The following URB2 variants were observed in gnomAD, a reference collection of about 807,000 sequenced individuals.
The protein encoded by URB2 is unhealthy ribosome biogenesis protein 2 homolog.
Under a neutral mutation model 120.9 loss-of-function variants are expected in URB2, and 86 were observed. The observed-to-expected ratio is 0.71, with a 90% confidence interval of 0.60 to 0.85. The LOEUF is 0.85. Among genes scored for constraint, URB2 ranks in the 40% least tolerant of loss-of-function variants. The pLI is 0.00. For synonymous variants in URB2, 755 were observed against 758.4 expected (o/e 1.00, Z 0.07); for missense variants, 1,765 against 1,836.5 (o/e 0.96, Z 0.71).
intron 8 of URB2, among the ~76,000 whole-genome samples, chr1:229,651,924 G>A (rs1322756968): frequency 6.6e-6 from 1 of 152,164 alleles, no homozygotes; most frequent in Non-Finnish European, 1.5e-5. Context: ...GCTCATGGCT[G>A]TAATCCCAGC....
intron 2 of URB2, among the ~76,000 whole-genome samples, chr1:229,631,006 G>C (rs979280706): frequency 1.0e-5 from 1 of 95,838 alleles, no homozygotes; most frequent in Non-Finnish European, 2.3e-5. Flanking sequence ...AAAAAAAAAA[G>C]AAAGTCCTGA....
Position 229,659,242 on chromosome 1 carries a change from A to T in URB2, c.4520A>T (p.Asp1507Val). 6.2e-7 allele frequency: 1 copy of T among 1,614,026 alleles called. No homozygotes were observed. The highest frequency in any genetic ancestry group is 2.2e-5 in the East Asian group (1 of 44,888). ...GACATCTTTAAGGAGCTCTATAATG[A>T]CTATCTCAAGTACCACAAGGCCAAA... ...MRDIFKELYNDYLKYHKAKHE... is the reference protein window; with the variant it reads ...MRDIFKELYNVYLKYHKAKHE... Residue 1507 changes from aspartate to valine, a missense_variant, in exon 10 of 10, where the codon GAC becomes GTC. Physicochemically the swap from Asp to Val is radical, Grantham distance 152. Transcript: ENST00000258243.
chr1:229,631,900 T>C (rs1232965922), intron 2 of URB2, among the ~76,000 whole-genome samples: 1 of 152,230 alleles, frequency 6.6e-6, no homozygotes, highest in Non-Finnish European at 1.5e-5. Flanking sequence ...ATAGACTTGC[T>C]TGGCACAGGG....
At chr1:229,648,496 T>C (rs1666203106) in intron 7 of URB2, among the ~76,000 whole-genome samples, 1 of 152,246 alleles carries the variant, frequency 6.6e-6, no homozygotes, top group Non-Finnish European at 1.5e-5. Context: ...TATAGTATGC[T>C]CCTTTTTAAG....
At chr1:229,632,161 G>A (rs1454898956) in intron 2 of URB2, 108 bp from the exon 3 acceptor site, 10 of 455,828 alleles carry the variant, frequency 2.2e-5, no homozygotes, top group African/African-American at 6.4e-5. Context: ...CTCCCCCGCC[G>A]CCCCCGTGGC....
At position 229,647,578 on chromosome 1, in the gene URB2, C is replaced by T; in HGVS notation, c.3975C>T (p.Val1325=). The T allele has an allele frequency of 1.2e-6, 2 of 1,614,230 alleles. No homozygotes were observed. The highest frequency in any genetic ancestry group is 8.5e-7 in the Non-Finnish European group (1 of 1,180,048). ...SLTVVGPVLD[V]LAALLRQGEE... is the part of the protein sequence containing the mutation. ...CAGTGGTCGGGCCTGTCTTAGATGT[C>T]CTGGCTGCACTGCTGCGGCAGGGGG... The change falls in exon 7 of 10, where the codon GTC becomes GTT. Residue 1325 remains valine (V), a synonymous_variant. Coordinates refer to ENST00000258243, the MANE Select transcript of URB2 (RefSeq NM_014777.4).
intron 9 of URB2, among the ~76,000 whole-genome samples, chr1:229,655,165 G>GA (rs551964112): frequency 5.5e-4 from 83 of 152,272 alleles, no homozygotes; most frequent in Non-Finnish European, 1.1e-3. Flanking sequence ...GACAGATTAA[G>GA]AAAAAACATG....
At chr1:229,656,139 T>C (rs778860288) in intron 9 of URB2, among the ~76,000 whole-genome samples, 3 of 152,330 alleles carry the variant, frequency 2.0e-5, no homozygotes, top group Non-Finnish European at 2.9e-5. Flanking sequence ...TTTGGTTTCA[T>C]TGCAGTTATT....
rs748662594 is a variant in URB2, at chr1:229,637,723, C to T, written c.3110C>T (p.Thr1037Met). ...TTCCTCTCTAGTTCCAAACCATACA[C>T]GGAGGCAGCTTCAAGCAAACAATTA... The part of the protein sequence containing the change: ...TAFLSSSKPY[T>M]EAASSKQLEN... Residue 1037 changes from threonine (T) to methionine (M), a missense_variant, in exon 4 of 10, where the codon ACG (threonine) becomes ATG (methionine). Thr to Met is a moderately conservative substitution (Grantham distance 81, BLOSUM62 -1). Transcript: ENST00000258243. The T allele has an allele frequency of 1.7e-5, 27 of 1,614,076 alleles. No individual in the cohort carries two copies. Among genetic ancestry groups the T allele is most frequent in the East Asian group, 4.5e-5 (2 of 44,892 alleles).
At chr1:229,630,927 A>C (rs1369362033) in intron 2 of URB2, among the ~76,000 whole-genome samples, 1 of 141,364 alleles carries the variant, frequency 7.1e-6, no homozygotes, top group Non-Finnish European at 1.5e-5. Context: ...GGTTGCAGTG[A>C]GCCGAGATCG....
At chr1:229,643,199 A>T (rs972108471) in intron 4 of URB2, among the ~76,000 whole-genome samples, 7 of 152,228 alleles carry the variant, frequency 4.6e-5, no homozygotes, top group African/African-American at 1.7e-4. Flanking sequence ...AAACCCATGT[A>T]TAAGTGGATC....
chr1:229,628,251 C>T lies in URB2; in HGVS notation c.126+492C>T, dbSNP rs1317017879. Among the ~76,000 whole-genome samples the T allele has an allele frequency of 3.5e-5, 5 of 143,226 alleles. No homozygotes were observed. In the Admixed American group the frequency reaches 3.6e-4, roughly 10 times the overall value. 94.0% of individuals were successfully genotyped at this position (143,226 alleles called of 152,430 possible). ...TATATGTATATATATTATACATATA[C>T]ATATTATATATGTATATAAATTAGT... On this transcript the variant is annotated intron_variant, in intron 2 of 9. Transcript: ENST00000258243.
intron 7 of URB2, 120 bp from the exon 8 acceptor site, chr1:229,651,115 C>T (rs1322184037): frequency 1.1e-6 from 1 of 886,180 alleles, no homozygotes; most frequent in Non-Finnish European, 1.6e-6. Context: ...TGGGCACACA[C>T]AACTGGTTTG....
At chr1:229,630,982 C>CAAAAAAAAAAAAA in intron 2 of URB2, among the ~76,000 whole-genome samples, 1 of 65,108 alleles carries the variant, frequency 1.5e-5, no homozygotes, top group Non-Finnish European at 2.8e-5. Flanking sequence ...AACTCCGTCT[C>CAAAAAAAAAAAAA]AAAAAAAAAA....
chr1:229,651,744 G>C, intron 8 of URB2, among the ~76,000 whole-genome samples: 1 of 152,194 alleles, frequency 6.6e-6, no homozygotes, highest in East Asian at 1.9e-4. Context: ...CACTGTTCCA[G>C]CCTCACCTTG....
intron 5 of URB2, among the ~76,000 whole-genome samples, chr1:229,644,123 G>T (rs997608908): frequency 3.9e-5 from 6 of 152,238 alleles, no homozygotes; most frequent in African/African-American, 1.4e-4. Flanking sequence ...GACAGAAGTC[G>T]CTAATACAGC....
intron 3 of URB2, 150 bp downstream of exon 3, chr1:229,632,595 T>C: frequency 3.2e-6 from 2 of 630,908 alleles, no homozygotes; most frequent in Non-Finnish European, 4.8e-6. Context: ...ATTAAAATAG[T>C]AACTATTGAA....
chr1:229,649,261 T>C (rs919380838), intron 7 of URB2, among the ~76,000 whole-genome samples: 1 of 152,336 alleles, frequency 6.6e-6, no homozygotes, highest in South Asian at 2.1e-4. Flanking sequence ...ACTCATGACA[T>C]TGGTTCTAAC....
intron 4 of URB2, 49 bp from the exon 5 acceptor site, chr1:229,643,483 GT>G (rs779903294): frequency 9.3e-6 from 15 of 1,608,906 alleles, no homozygotes; most frequent in Admixed American, 3.3e-5. Context: ...CTACTTGGTA[GT>G]TTATTTCACC....
Sources: allele counts gnomAD v4.1 joint callset (sites outside exome capture counted in the v4.1 genomes callset), GRCh38; gene constraint gnomAD v4.1.1; transcripts MANE v1.5; gene names NCBI Gene and HGNC (gene_info 2026-07-23, HGNC 2026-07-21).